The following SHISA9 variants were observed in gnomAD, a reference collection of about 807,000 sequenced individuals.
SHISA9 encodes shisa family member 9, also known as protein shisa-9.
Under a neutral mutation model 38.0 loss-of-function variants are expected in SHISA9, and 13 were observed. The ratio of observed to expected loss-of-function variants is 0.34; its 90% CI spans 0.22 to 0.54. SHISA9 has a LOEUF of 0.54. SHISA9 is among the 20% of genes least tolerant of loss of function. The pLI, the probability that SHISA9 is intolerant of heterozygous loss-of-function variation, is 0.91. For missense variants in SHISA9, 538 were observed against 575.8 expected, an observed-to-expected ratio of 0.93 and a Z score of 0.67; for synonymous variants, 275 against 242.0, an observed-to-expected ratio of 1.14 and a Z score of -1.27.
intron 2 of SHISA9, among the ~76,000 whole-genome samples, chr16:13,182,542 T>C (rs928593739): frequency 3.3e-5 from 5 of 152,222 alleles, no homozygotes; most frequent in Non-Finnish European, 7.3e-5. Flanking sequence ...TTGTAGTAAA[T>C]GTTGGGATTT....
the SHISA9 span, among the ~76,000 whole-genome samples, chr16:13,389,902 T>C: frequency 8.6e-3 from 1,314 of 152,334 alleles, 18 homozygotes; most frequent in African/African-American, 0.03. Flanking sequence ...GGATGGGTGC[T>C]CTTGCAAGAT....
the SHISA9 span, among the ~76,000 whole-genome samples, chr16:13,464,525 T>C: frequency 2.0e-5 from 3 of 152,252 alleles, no homozygotes; most frequent in South Asian, 6.2e-4. Context: ...TGAACTAGAG[T>C]TTCTTGTCTA....
At chr16:13,098,890 T>A (rs2073852357) in intron 2 of SHISA9, among the ~76,000 whole-genome samples, 1 of 152,264 alleles carries the variant, frequency 6.6e-6, no homozygotes, top group Non-Finnish European at 1.5e-5. Context: ...AGATTTGGTT[T>A]CTTCATCTGC....
intron 2 of SHISA9, among the ~76,000 whole-genome samples, chr16:13,174,879 C>A (rs1308620376): frequency 6.6e-6 from 1 of 152,088 alleles, no homozygotes; most frequent in Non-Finnish European, 1.5e-5. Context: ...GGGAAAGGGT[C>A]CCTTATATTC....
the SHISA9 span, among the ~76,000 whole-genome samples, chr16:13,319,884 T>C: frequency 1.1e-3 from 169 of 152,136 alleles, no homozygotes; most frequent in African/African-American, 4.0e-3. Flanking sequence ...ACTTTGGTTT[T>C]ACATTTGTTT....
chr16:13,004,220 C>T (rs893640089), intron 2 of SHISA9, among the ~76,000 whole-genome samples: 2 of 152,162 alleles, frequency 1.3e-5, no homozygotes, highest in African/African-American at 4.8e-5. Context: ...CTGGAAAATC[C>T]TTAGTGACCA....
chr16:13,495,669 G>T, the SHISA9 span, among the ~76,000 whole-genome samples: 1 of 151,470 alleles, frequency 6.6e-6, no homozygotes, highest in East Asian at 1.9e-4. Context: ...AATGTAAAAA[G>T]TAAACATTTA....
At chr16:13,132,767 C>T (rs1349390369) in intron 2 of SHISA9, among the ~76,000 whole-genome samples, 1 of 152,068 alleles carries the variant, frequency 6.6e-6, no homozygotes, top group African/African-American at 2.4e-5. Context: ...TGAGTGAGAC[C>T]CTCTCACTGA....
the SHISA9 span, among the ~76,000 whole-genome samples, chr16:13,550,897 G>C: frequency 0.011 from 1,704 of 152,240 alleles, 25 homozygotes; most frequent in African/African-American, 0.038. Context: ...GCCAACGTGG[G>C]CGGATCAAAA....
At chr16:13,401,716 T>A in the SHISA9 span, among the ~76,000 whole-genome samples, 2 of 152,220 alleles carry the variant, frequency 1.3e-5, no homozygotes, top group East Asian at 3.8e-4. Context: ...CATCTGGATC[T>A]TGGAATTCCC....
At chr16:13,370,288 G>A in the SHISA9 span, among the ~76,000 whole-genome samples, 3 of 152,152 alleles carry the variant, frequency 2.0e-5, no homozygotes, top group Non-Finnish European at 2.9e-5. Flanking sequence ...ACAAACCTCA[G>A]TGGGAAATGG....
chr16:13,491,672 T>C, the SHISA9 span, among the ~76,000 whole-genome samples: 1 of 151,706 alleles, frequency 6.6e-6, no homozygotes, highest in African/African-American at 2.4e-5. Flanking sequence ...GTATTCTTAG[T>C]AGAGTCGGGG....
At chr16:13,421,669 A>T in the SHISA9 span, among the ~76,000 whole-genome samples, 713 of 152,306 alleles carry the variant, frequency 4.7e-3, 6 homozygotes, top group African/African-American at 0.016. Flanking sequence ...CAAAGTAAAC[A>T]CTCAGTAAAT....
At chr16:13,059,667 G>C (rs72784453) in intron 2 of SHISA9, among the ~76,000 whole-genome samples, 1,629 of 152,232 alleles carry the variant, frequency 0.011, 13 homozygotes, top group Middle Eastern at 0.055. Flanking sequence ...ATGTAAACTT[G>C]AACTTAAAAT....
chr16:13,437,874 T>C, the SHISA9 span, among the ~76,000 whole-genome samples: 3 of 151,254 alleles, frequency 2.0e-5, no homozygotes, highest in Non-Finnish European at 4.4e-5. Flanking sequence ...CTTTTTTTTT[T>C]TTTTTTTTGA....
chr16:13,510,465 A>G, the SHISA9 span, among the ~76,000 whole-genome samples: 62,248 of 152,044 alleles, frequency 0.41, 12,877 homozygotes, highest in East Asian at 0.54. Flanking sequence ...CTCTACTGTG[A>G]TAGAGAAACA....
chr16:12,966,564 A>T (rs1384293422), intron 2 of SHISA9, among the ~76,000 whole-genome samples: 1 of 152,080 alleles, frequency 6.6e-6, no homozygotes, highest in Non-Finnish European at 1.5e-5. Flanking sequence ...AGTGCTTTAT[A>T]ATCTTTATAA....
intron 2 of SHISA9, among the ~76,000 whole-genome samples, chr16:13,114,449 G>A (rs938358473): frequency 2.4e-5 from 3 of 126,036 alleles, no homozygotes; most frequent in African/African-American, 9.3e-5. Flanking sequence ...CTGGGTGGCA[G>A]AGTGAGATTC....
chr16:13,062,075 G>T (rs772150213), intron 2 of SHISA9, among the ~76,000 whole-genome samples: 11 of 152,268 alleles, frequency 7.2e-5, no homozygotes, highest in Non-Finnish European at 1.5e-4. Context: ...CAAGTCTGTT[G>T]CAGCTTGGGC....
Sources: allele counts gnomAD v4.1 joint callset (sites outside exome capture counted in the v4.1 genomes callset), GRCh38; gene constraint gnomAD v4.1.1; transcripts MANE v1.5; gene names NCBI Gene and HGNC (gene_info 2026-07-23, HGNC 2026-07-21).